The following HNRNPLL variants were observed in gnomAD, a reference collection of about 807,000 sequenced individuals.
HNRNPLL encodes the protein heterogeneous nuclear ribonucleoprotein L-like.
HNRNPLL carries 25 observed loss-of-function variants against 67.1 expected under a neutral mutation model. That is an observed-to-expected ratio of 0.37 (90% CI 0.27 to 0.52). The LOEUF is 0.52. Among genes scored for constraint, HNRNPLL ranks in the 20% least tolerant of loss-of-function variants. HNRNPLL has a pLI of 0.90. For synonymous variants in HNRNPLL, 267 were observed against 241.7 expected, an observed-to-expected ratio of 1.10 and a Z score of -0.97; for missense variants, 542 against 673.9, an observed-to-expected ratio of 0.80 and a Z score of 2.17.
At position 38,602,818 on chromosome 2, in the gene HNRNPLL, C is replaced by G. The variant is rs1007765913; in HGVS notation, c.-192G>C. On this transcript the variant is annotated 5_prime_UTR_variant, in exon 1 of 13. Transcript: ENST00000449105. ...GCGCGGACGGACTGAGGGGGGCGCC[C>G]CGGGAGGAAGCTCTGGAGCGGCCGC... 3 of 1,545,608 alleles carry G rather than the reference C, an allele frequency of 1.9e-6. No individual in the cohort carries two copies. In the African/African-American group the frequency reaches 4.2e-5, roughly 21 times the overall value.
chr2:38,586,454 T>C (rs934366336), intron 2 of HNRNPLL, among the ~76,000 whole-genome samples: 1 of 152,176 alleles, frequency 6.6e-6, no homozygotes, highest in Non-Finnish European at 1.5e-5. Flanking sequence ...GACAACCCAG[T>C]TTATTCTTTG....
Position 38,602,618 on chromosome 2 carries a change from G to A in HNRNPLL, c.9C>T (p.Ser3=). 6.5e-7 allele frequency: 1 copy of A among 1,546,950 alleles called. No homozygotes were observed. The change falls in exon 1 of 13, where the codon TCC becomes TCT. Residue 3 remains serine, a synonymous_variant. Transcript: ENST00000449105. The part of the protein sequence containing the change: MS[S]SSSSPRETYE... ...ACGTCTCCCTGGGGGAGGAAGAGGA[G>A]GAGGACATGGCGGCGGCCGGAGGGA... is the stretch of plus-strand genomic sequence containing the variant.
At chr2:38,595,064 G>A (rs1558546556) in intron 1 of HNRNPLL, among the ~76,000 whole-genome samples, 4 of 151,344 alleles carry the variant, frequency 2.6e-5, no homozygotes, top group Admixed American at 2.0e-4. Context: ...AGGAGTTCGA[G>A]GCTCAGGAGT....
intron 2 of HNRNPLL, among the ~76,000 whole-genome samples, chr2:38,587,747 T>C (rs540562623): frequency 1.3e-5 from 2 of 152,332 alleles, no homozygotes; most frequent in East Asian, 3.9e-4. Context: ...CAGAAAATTA[T>C]AAAGGTACTG....
At chr2:38,568,977 C>A (rs949608644) in intron 10 of HNRNPLL, among the ~76,000 whole-genome samples, 156 bp downstream of exon 10, 1 of 151,978 alleles carries the variant, frequency 6.6e-6, no homozygotes, top group Non-Finnish European at 1.5e-5. Context: ...CAGAAAAGTA[C>A]AATGGTCAAA....
At chr2:38,577,230 T>C (rs1666332491) in intron 7 of HNRNPLL, among the ~76,000 whole-genome samples, 1 of 151,890 alleles carries the variant, frequency 6.6e-6, no homozygotes, top group Non-Finnish European at 1.5e-5. Context: ...GGCAAAAAAG[T>C]ATTCAATCCC....
In HNRNPLL at chr2:38,573,259, T is replaced by C. The variant is rs1222209155; in HGVS notation, c.1043A>G (p.Asn348Ser). 6.2e-7 allele frequency: 1 copy of C among 1,610,422 alleles called. No individual in the cohort carries two copies. Residue 348 changes from asparagine (N) to serine (S), a missense_variant, in exon 8 of 13, where the codon AAT (asparagine) becomes AGT (serine). Physicochemically the swap from Asn to Ser is conservative, Grantham distance 46. Coordinates refer to ENST00000449105, the MANE Select transcript of HNRNPLL (RefSeq NM_138394.4). The stretch of plus-strand genomic sequence containing the variant: ...GAACAGGTTGAAGACTCTTGAACAA[T>C]TCATTTTTAGTTGATGTAATCCACT... Reference protein sequence around the residue: ...MVSGLHQLKMNCSRVFNLFCL... With the variant: ...MVSGLHQLKMSCSRVFNLFCL...
intron 8 of HNRNPLL, 22 bp downstream of exon 8, chr2:38,573,188 A>C (rs781279688): frequency 2.7e-6 from 4 of 1,506,754 alleles, no homozygotes; most frequent in Admixed American, 3.9e-5. Context: ...AGCAAAAGAA[A>C]CCAATATAAA....
At chr2:38,600,987 C>T (rs929219782) in intron 1 of HNRNPLL, among the ~76,000 whole-genome samples, 2 of 152,172 alleles carry the variant, frequency 1.3e-5, no homozygotes, top group Non-Finnish European at 2.9e-5. Flanking sequence ...TGATGCTGCA[C>T]AAAAACCCAA....
In HNRNPLL at chr2:38,562,636, C is replaced by T. The variant is rs1316303726; in HGVS notation, c.*1546G>A. On this transcript the variant is annotated 3_prime_UTR_variant, in exon 13 of 13. Coordinates refer to ENST00000449105, the MANE Select transcript of HNRNPLL (RefSeq NM_138394.4). Reference sequence around the variant, plus strand: ...GCAATGAATAAGAAACATACATAGCCCAGTATCGAACACAGTTCACACAGT... The same window carrying T: ...GCAATGAATAAGAAACATACATAGCTCAGTATCGAACACAGTTCACACAGT... 1 of 151,948 alleles carries T rather than the reference C, an allele frequency of 6.6e-6. No individual in the cohort carries two copies. The highest frequency in any genetic ancestry group is 1.5e-5 in the Non-Finnish European group (1 of 67,930). The allele number at this position is 151,948 out of a possible 1,614,324, so 9.4% of individuals were successfully genotyped here. A position where few individuals can be genotyped will look rare whatever the true frequency, so the allele number is the denominator to read the frequency against.
At chr2:38,566,662 A>G (rs2148333943) in intron 12 of HNRNPLL, among the ~76,000 whole-genome samples, 1 of 151,906 alleles carries the variant, frequency 6.6e-6, no homozygotes, top group East Asian at 1.9e-4. Flanking sequence ...ACACTACTGA[A>G]AAACTGTCCT....
chr2:38,590,453 G>T (rs1374917216), intron 2 of HNRNPLL, among the ~76,000 whole-genome samples: 1 of 152,074 alleles, frequency 6.6e-6, no homozygotes, highest in Non-Finnish European at 1.5e-5. Context: ...TTCGATAGCT[G>T]TAACAAAAAC....
intron 12 of HNRNPLL, among the ~76,000 whole-genome samples, chr2:38,566,408 G>C (rs113737371): frequency 1.4e-3 from 204 of 147,456 alleles, no homozygotes; most frequent in African/African-American, 4.8e-3. Flanking sequence ...AAAGGCCATT[G>C]TTACTATTAT....
At chr2:38,595,737 G>T (rs893168664) in intron 1 of HNRNPLL, among the ~76,000 whole-genome samples, 1 of 152,150 alleles carries the variant, frequency 6.6e-6, no homozygotes, top group Admixed American at 6.6e-5. Flanking sequence ...CCAGCTACTT[G>T]GAAGGCTGAG....
chr2:38,565,429 G>A (rs752087311), intron 12 of HNRNPLL, among the ~76,000 whole-genome samples: 5 of 151,948 alleles, frequency 3.3e-5, no homozygotes, highest in Non-Finnish European at 7.4e-5. Flanking sequence ...GAAGAAAGCC[G>A]ACACTGTGGC....
Position 38,582,286 on chromosome 2 carries a change from C to G in HNRNPLL, c.633-118G>C. The G allele has an allele frequency of 6.8e-6, 5 of 731,764 alleles. No individual in the cohort carries two copies. In the South Asian group the frequency reaches 8.1e-5, roughly 12 times the overall value. The allele number at this position is 731,764 out of a possible 1,614,324, so 45.3% of individuals were successfully genotyped here. ...TCTTTTACTTCTGGAAATGTTTTAC[C>G]AATTTCAGGATGAATTTTAAGAGAA... On this transcript the variant is annotated intron_variant, in intron 4 of 12. Transcript: ENST00000449105.
rs1455326585 is a variant in HNRNPLL at position 38,602,442 on chromosome 2, T to G, written c.185A>C (p.Gln62Pro). 2.6e-6 allele frequency: 4 copies of G among 1,537,562 alleles called. No individual in the cohort carries two copies. Among genetic ancestry groups the G allele is most frequent in the Non-Finnish European group, 3.5e-6 (4 of 1,148,798 alleles). The change falls in exon 1 of 13, where the codon CAG becomes CCG. Residue 62 changes from glutamine to proline, a missense_variant. Gln to Pro is a moderately conservative substitution (Grantham distance 76). Around this residue, in one of 2 missense-constraint regions of HNRNPLL, gnomAD observed 127 missense variants for 98.7 expected, o/e 1.29. Coordinates refer to ENST00000449105, the MANE Select transcript of HNRNPLL (RefSeq NM_138394.4). ...AGGGGGGCCGCGCTTTGTTACCGGC[T>G]GAGAGAAGCTCCGGCCGCCGCCGCC... ...DGGGGGRSFSQPEAGGSHHKV... is the reference protein window; with the variant it reads ...DGGGGGRSFSPPEAGGSHHKV...
chr2:38,580,743 C>T (rs948646516), intron 6 of HNRNPLL, among the ~76,000 whole-genome samples: 3 of 152,298 alleles, frequency 2.0e-5, no homozygotes, highest in East Asian at 1.9e-4. Flanking sequence ...TTTATCCTCA[C>T]GAAATCTAGC....
chr2:38,577,454 A>G lies in HNRNPLL; in HGVS notation c.874+7T>C, dbSNP rs753199499. On this transcript the variant is annotated splice_region_variant and intron_variant, in intron 7 of 12. Coordinates refer to ENST00000449105, the MANE Select transcript of HNRNPLL (RefSeq NM_138394.4). ...TATACTACCTTCTTTCTACCTTGAC[A>G]ACTTACCATAGCCATCATGTCTAAA... The G allele has an allele frequency of 6.4e-7, 1 of 1,573,020 alleles. No homozygotes were observed. The highest frequency in any genetic ancestry group is 8.7e-7 in the Non-Finnish European group (1 of 1,142,894).
Sources: gnomAD v4.1 joint callset for allele counts (sites outside exome capture counted in the v4.1 genomes callset) on GRCh38, gnomAD v4.1.1 for gene constraint, gnomAD v4.1.1 regional missense constraint, MANE v1.5 for transcripts, NCBI Gene and HGNC (gene_info 2026-07-23, HGNC 2026-07-21) for gene names.